COMMD1: variants seen among roughly 807,000 people sequenced by gnomAD.
COMMD1 encodes copper metabolism domain containing 1, also known as COMM domain-containing protein 1.
COMMD1 carries 10 observed loss-of-function variants against 17.2 expected under a neutral mutation model. The ratio of observed to expected loss-of-function variants is 0.58; its 90% confidence interval spans 0.36 to 0.99. The LOEUF (loss-of-function observed/expected upper bound fraction) is 0.99. COMMD1 is among the 50% of genes least tolerant of loss of function. COMMD1 has a pLI of 0.01. For synonymous variants in COMMD1, 97 were observed against 91.6 expected (o/e 1.06, Z -0.34); for missense variants, 270 against 231.8 (o/e 1.17, Z -1.07).
intron 1 of COMMD1, among the ~76,000 whole-genome samples, chr2:61,897,357 A>G (rs1228207263): frequency 2.0e-5 from 3 of 152,154 alleles, no homozygotes; most frequent in Non-Finnish European, 4.4e-5. Context: ...TGTGTCATGT[A>G]AAACTTATAT....
At position 62,128,498 on chromosome 2, in the gene COMMD1, A is replaced by C. The variant is rs1323616854; in HGVS notation, c.463-7333A>C. ...AAAAGCAATTGAAACGAAAGCAAAA[A>C]TTGACAAACGGGATCTAATTAAAGA... is the stretch of plus-strand genomic sequence containing the variant. On this transcript the variant is annotated intron_variant, in intron 2 of 2. Coordinates refer to ENST00000311832, the MANE Select transcript of COMMD1 (RefSeq NM_152516.4). Among the ~76,000 whole-genome samples the C allele has an allele frequency of 3.3e-5, 5 of 152,140 alleles. No individual in the cohort carries two copies. In the East Asian group the frequency reaches 9.6e-4, roughly 29 times the overall value.
intron 2 of COMMD1, among the ~76,000 whole-genome samples, chr2:62,107,741 T>C (rs1672355907): frequency 6.6e-6 from 1 of 152,232 alleles, no homozygotes; most frequent in African/African-American, 2.4e-5. Flanking sequence ...CGGCATTCAT[T>C]TGGGAATTTT....
chr2:61,968,676 C>G (rs1480681324), intron 1 of COMMD1, among the ~76,000 whole-genome samples: 1 of 152,042 alleles, frequency 6.6e-6, no homozygotes, highest in Non-Finnish European at 1.5e-5. Flanking sequence ...CCTACCTCAG[C>G]CTTTCCAGTA....
At chr2:62,001,818 T>A (rs1668951714) in intron 2 of COMMD1, among the ~76,000 whole-genome samples, 2 of 152,224 alleles carry the variant, frequency 1.3e-5, no homozygotes, top group African/African-American at 4.8e-5. Flanking sequence ...GATTTTTCAG[T>A]GTTTGCAGTT....
intron 2 of COMMD1, among the ~76,000 whole-genome samples, chr2:62,025,170 A>T (rs1221785164): frequency 2.0e-5 from 3 of 152,092 alleles, no homozygotes; most frequent in African/African-American, 7.2e-5. Flanking sequence ...CAATGAGCCA[A>T]GATTGCACCA....
rs958205339 is a variant in COMMD1, at chr2:62,108,162, A to G, written c.463-27669A>G. 7.9e-5 allele frequency among the ~76,000 whole-genome samples: 12 copies of G among 152,208 alleles called. No individual in the cohort carries two copies. The East Asian group carries it at 1.9e-3, about 24-fold the overall frequency. ...GAATGATAAAGTATACATTGGCATC[A>G]CATATATTGGCATCACAATGCCTAA... On this transcript the variant is annotated intron_variant, in intron 2 of 2. Coordinates refer to ENST00000311832, the MANE Select transcript of COMMD1 (RefSeq NM_152516.4).
chr2:61,891,049 G>C (rs1669418009), intron 1 of COMMD1, among the ~76,000 whole-genome samples: 1 of 152,102 alleles, frequency 6.6e-6, no homozygotes, highest in Admixed American at 6.6e-5. Flanking sequence ...TTTATTAATA[G>C]CTCTGCTACT....
intron 2 of COMMD1, among the ~76,000 whole-genome samples, chr2:62,129,608 C>A (rs1672970899): frequency 6.6e-6 from 1 of 152,140 alleles, no homozygotes; most frequent in Non-Finnish European, 1.5e-5. Flanking sequence ...ATGTTTTGAA[C>A]TTCTCTGGCA....
chr2:61,931,175 G>C (rs1314949814), intron 1 of COMMD1, among the ~76,000 whole-genome samples: 1 of 152,064 alleles, frequency 6.6e-6, no homozygotes, highest in Non-Finnish European at 1.5e-5. Flanking sequence ...AGCCGGGTGT[G>C]GTGGTGCGTG....
At chr2:61,964,669 C>T (rs897374991) in intron 1 of COMMD1, among the ~76,000 whole-genome samples, 10 of 151,444 alleles carry the variant, frequency 6.6e-5, no homozygotes, top group Non-Finnish European at 1.3e-4. Flanking sequence ...CCCGTCTCTA[C>T]TAAAAATACA....
At chr2:61,995,752 G>A (rs140570098) in intron 1 of COMMD1, among the ~76,000 whole-genome samples, 42 of 152,312 alleles carry the variant, frequency 2.8e-4, no homozygotes, top group African/African-American at 9.9e-4. Context: ...AGAAAAATCA[G>A]TTGACTGCTT....
At chr2:62,084,641 G>A (rs1488709763) in intron 2 of COMMD1, among the ~76,000 whole-genome samples, 1 of 152,100 alleles carries the variant, frequency 6.6e-6, no homozygotes, top group Non-Finnish European at 1.5e-5. Flanking sequence ...GTCTTTTTTT[G>A]TAATGAGGTA....
At chr2:62,100,352 T>C (rs913122196) in intron 2 of COMMD1, 3 of 152,118 alleles carry the variant, frequency 2.0e-5, no homozygotes, top group African/African-American at 7.2e-5. Context: ...TGTAAAATAT[T>C]TGAAGAGATT....
chr2:62,060,972 T>A (rs1265224445), intron 2 of COMMD1, among the ~76,000 whole-genome samples: 1 of 152,160 alleles, frequency 6.6e-6, no homozygotes, highest in Non-Finnish European at 1.5e-5. Context: ...GATCCTTCCG[T>A]CATCTCCAAT....
intron 2 of COMMD1, among the ~76,000 whole-genome samples, chr2:62,047,784 T>C (rs957160206): frequency 1.3e-5 from 2 of 152,182 alleles, no homozygotes; most frequent in Non-Finnish European, 2.9e-5. Flanking sequence ...TCAAAATCTT[T>C]TTATACTGTA....
At chr2:62,056,121 T>A (rs1670693869) in intron 2 of COMMD1, among the ~76,000 whole-genome samples, 1 of 152,212 alleles carries the variant, frequency 6.6e-6, no homozygotes, top group Admixed American at 6.5e-5. Flanking sequence ...GCTTTCTGAT[T>A]TCACTACTTG....
chr2:62,098,247 T>A (rs1672071721), intron 2 of COMMD1, among the ~76,000 whole-genome samples: 1 of 151,240 alleles, frequency 6.6e-6, no homozygotes, highest in East Asian at 1.9e-4. Context: ...ACTTCTGCCT[T>A]CTGGGTTCAA....
intron 1 of COMMD1, among the ~76,000 whole-genome samples, chr2:61,956,511 G>A (rs1018250535): frequency 1.3e-5 from 2 of 151,772 alleles, no homozygotes; most frequent in Non-Finnish European, 2.9e-5. Context: ...CCAGGTTCAA[G>A]CAATTTTCCT....
chr2:61,998,482 A>G (rs776568951), intron 1 of COMMD1, among the ~76,000 whole-genome samples: 1 of 151,750 alleles, frequency 6.6e-6, no homozygotes, highest in Non-Finnish European at 1.5e-5. Context: ...CTGGTCTCGA[A>G]CTCCGGACCT....
Sources: allele counts gnomAD v4.1 joint callset (sites outside exome capture counted in the v4.1 genomes callset), GRCh38; gene constraint gnomAD v4.1.1; transcripts MANE v1.5; gene names NCBI Gene and HGNC (gene_info 2026-07-23, HGNC 2026-07-21).